The following F13A1 variants were observed in gnomAD, a reference collection of about 807,000 sequenced individuals.
F13A1 encodes FSF, A subunit.
Under a neutral mutation model 80.1 loss-of-function variants are expected in F13A1, and 47 were observed. That is an observed-to-expected ratio of 0.59 (90% CI 0.46 to 0.75). The LOEUF is 0.75. Among genes scored for constraint, F13A1 ranks in the 30% least tolerant of loss-of-function variants. The pLI, the probability that F13A1 is intolerant of heterozygous loss-of-function variation, is 0.00. For synonymous variants in F13A1, 349 were observed against 344.9 expected (o/e 1.01, Z -0.13); for missense variants, 817 against 930.4 (o/e 0.88, Z 1.59).
At chr6:6,271,192 T>A (rs759772008) in intron 3 of F13A1, among the ~76,000 whole-genome samples, 3 of 152,182 alleles carry the variant, frequency 2.0e-5, no homozygotes, top group South Asian at 2.1e-4. Flanking sequence ...CAATAGAACC[T>A]CAGGGACTGC....
At chr6:6,293,670 A>C (rs1023518702) in intron 3 of F13A1, among the ~76,000 whole-genome samples, 2 of 151,662 alleles carry the variant, frequency 1.3e-5, no homozygotes, top group African/African-American at 4.9e-5. Context: ...AGCCCAGCAC[A>C]CCATCCAAGA....
At chr6:6,151,669 G>T in intron 14 of F13A1, 144 bp downstream of exon 14, 2 of 1,097,482 alleles carry the variant, frequency 1.8e-6, no homozygotes, top group Non-Finnish European at 2.8e-6. Flanking sequence ...TTTACTCCAC[G>T]CCCTACAGAA....
At chr6:6,314,768 A>C (rs1355492183) in intron 2 of F13A1, among the ~76,000 whole-genome samples, 4 of 152,226 alleles carry the variant, frequency 2.6e-5, no homozygotes, top group Admixed American at 2.0e-4. Context: ...AGCCTGGAGC[A>C]GCTCCTGACA....
At chr6:6,308,871 G>A (rs1371103022) in intron 2 of F13A1, among the ~76,000 whole-genome samples, 2 of 110,218 alleles carry the variant, frequency 1.8e-5, no homozygotes, top group African/African-American at 2.9e-5. Flanking sequence ...TAATCCCCCT[G>A]CCTCAGCCTC....
intron 2 of F13A1, among the ~76,000 whole-genome samples, chr6:6,309,596 C>T (rs940617214): frequency 3.3e-5 from 5 of 152,150 alleles, no homozygotes; most frequent in Admixed American, 2.0e-4. Flanking sequence ...GCTCATCACA[C>T]GAGCCTTGGA....
At chr6:6,193,325 T>C (rs1208099418) in intron 10 of F13A1, among the ~76,000 whole-genome samples, 2 of 151,372 alleles carry the variant, frequency 1.3e-5, no homozygotes, top group African/African-American at 4.9e-5. Flanking sequence ...TGGAAATGAG[T>C]AAGGAATGAC....
At chr6:6,168,748 C>T (rs1760719720) in intron 12 of F13A1, among the ~76,000 whole-genome samples, 1 of 152,238 alleles carries the variant, frequency 6.6e-6, no homozygotes, top group South Asian at 2.1e-4. Flanking sequence ...GCCTGCTGTA[C>T]TGAACAGCAG....
At position 6,145,654 on chromosome 6, in the gene F13A1, G is replaced by A; in HGVS notation, c.2164C>T (p.Leu722=). Residue 722 remains leucine, a synonymous_variant, in exon 15 of 15, where the codon CTG becomes TTG. Transcript: ENST00000264870. ...SDSLRHVYGE[L]DVQIQRRPSM is the part of the protein sequence containing the mutation. The stretch of plus-strand genomic sequence containing the variant: ...GGTCGTCTTTGAATCTGCACGTCCA[G>A]CTCGCCATACACATGTCTCAGGGAG... The A allele has an allele frequency of 6.2e-7, 1 of 1,614,156 alleles. No homozygotes were observed. Among genetic ancestry groups the A allele is most frequent in the Non-Finnish European group, 8.5e-7 (1 of 1,180,010 alleles).
At chr6:6,187,282 G>A (rs1328883138) in intron 10 of F13A1, among the ~76,000 whole-genome samples, 1,501 of 97,786 alleles carry the variant, frequency 0.015, 81 homozygotes, top group Non-Finnish European at 0.023. Flanking sequence ...GTGAGAGAGG[G>A]CATCCCTGTC....
intron 8 of F13A1, among the ~76,000 whole-genome samples, chr6:6,202,611 TAAA>T (rs748790735): frequency 6.6e-6 from 1 of 152,176 alleles, no homozygotes; most frequent in Non-Finnish European, 1.5e-5. Flanking sequence ...CCCTTTAAAG[TAAA>T]AAAATTCTAA....
chr6:6,278,710 C>G (rs931795877), intron 3 of F13A1, among the ~76,000 whole-genome samples: 1 of 151,154 alleles, frequency 6.6e-6, no homozygotes, highest in Non-Finnish European at 1.5e-5. Context: ...TGGGAGGTGA[C>G]AGTGCCTGAG....
At position 6,250,771 on chromosome 6, in the gene F13A1, T is replaced by C. The variant is rs371673512; in HGVS notation, c.690+40A>G. The C allele has an allele frequency of 2.6e-5, 35 of 1,353,782 alleles. No individual in the cohort carries two copies. The highest frequency in any genetic ancestry group is 3.7e-5 in the Non-Finnish European group (35 of 943,962). The allele number at this position is 1,353,782 out of a possible 1,614,324, so 83.9% of individuals were successfully genotyped here. A position where few individuals can be genotyped will look rare whatever the true frequency, so the allele number is the denominator to read the frequency against. ...GATACATGTGACAAAAAATATGAAG[T>C]AAAAATGTCCTTGACAATAACAAAT... On this transcript the variant is annotated intron_variant, in intron 5 of 14. Coordinates refer to ENST00000264870, the MANE Select transcript of F13A1 (RefSeq NM_000129.4). The surrounding 1 kb of genome is among the most constrained non-coding windows in gnomAD (Gnocchi z 4.2).
chr6:6,156,542 G>A (rs1040271041), intron 13 of F13A1, among the ~76,000 whole-genome samples: 8 of 152,242 alleles, frequency 5.3e-5, no homozygotes, highest in East Asian at 3.9e-4. Flanking sequence ...TGTATTGCAC[G>A]TATTTCTGGA....
At chr6:6,289,815 A>ATT (rs35899540) in intron 3 of F13A1, among the ~76,000 whole-genome samples, 2,133 of 147,836 alleles carry the variant, frequency 0.014, 49 homozygotes, top group African/African-American at 0.048. Context: ...GAACTTTTCT[A>ATT]TTTTTTTTTT....
intron 4 of F13A1, among the ~76,000 whole-genome samples, chr6:6,253,236 A>G (rs1757659204): frequency 6.6e-6 from 1 of 151,944 alleles, no homozygotes; most frequent in African/African-American, 2.4e-5. Flanking sequence ...GACTTGCCCA[A>G]AGGTAAATTA....
intron 3 of F13A1, among the ~76,000 whole-genome samples, chr6:6,289,238 G>T (rs1758186399): frequency 1.3e-5 from 2 of 152,094 alleles, no homozygotes; most frequent in African/African-American, 4.8e-5. Context: ...CTCGGGTTCT[G>T]ACTGGGCACT....
chr6:6,240,369 C>G (rs1757469242), intron 6 of F13A1, among the ~76,000 whole-genome samples: 1 of 152,116 alleles, frequency 6.6e-6, no homozygotes, highest in Admixed American at 6.6e-5. Flanking sequence ...TCATCGTCCC[C>G]CCACTGCCCC....
chr6:6,180,738 C>G (rs1401886890), intron 11 of F13A1, among the ~76,000 whole-genome samples: 1 of 152,186 alleles, frequency 6.6e-6, no homozygotes, highest in Non-Finnish European at 1.5e-5. Flanking sequence ...TGAAAATTCA[C>G]TAGTTCAGAT....
At chr6:6,273,445 A>G (rs1757947951) in intron 3 of F13A1, among the ~76,000 whole-genome samples, 1 of 152,160 alleles carries the variant, frequency 6.6e-6, no homozygotes, top group Non-Finnish European at 1.5e-5. Flanking sequence ...AAACTTTTTT[A>G]TTTCTAAGCT....
Sources: allele counts gnomAD v4.1 joint callset (sites outside exome capture counted in the v4.1 genomes callset), GRCh38; gene constraint gnomAD v4.1.1; non-coding constraint Gnocchi (gnomAD v3.1); transcripts MANE v1.5; gene names NCBI Gene and HGNC (gene_info 2026-07-23, HGNC 2026-07-21).